The following MGAT5 variants were observed in gnomAD, a reference collection of about 807,000 sequenced individuals.
MGAT5 encodes the protein alpha-1,6-mannosylglycoprotein 6-beta-N-acetylglucosaminyltransferase, also known as alpha-1,6-mannosylglycoprotein 6-beta-N-acetylglucosaminyltransferase A.
In MGAT5, 30 loss-of-function variants were observed where a neutral mutation model predicts 94.3. The ratio of observed to expected loss-of-function variants is 0.32; its 90% CI spans 0.24 to 0.43. The LOEUF is 0.43. Ranked by LOEUF, MGAT5 falls within the 20% of genes least tolerant of loss-of-function variation. The probability of loss-of-function intolerance (pLI) is 1.00; values close to 1 mark genes in which losing one functional copy is unlikely to be tolerated. For synonymous variants in MGAT5, 310 were observed against 322.9 expected (o/e 0.96, Z 0.43); for missense variants, 691 against 905.5 (o/e 0.76, Z 3.04).
rs374914892 is a variant in MGAT5 at position 134,237,148 on chromosome 2, T to TGTGTGTGTGCGC, written c.-142-17113_-142-17112insTGTGTGTGCGCG. ...ATGTGTGTGTGTGTGTGTGTGTGTG[T>TGTGTGTGTGCGC]GCGCGTGTGTGTGAATTTTTACCCT... On this transcript the variant is annotated intron_variant, in intron 1 of 16. Coordinates refer to the MGAT5 transcript ENST00000409645. Among the ~76,000 whole-genome samples the TGTGTGTGTGCGC allele has an allele frequency of 1.8e-3, 254 of 140,830 alleles. 1 individual carries two copies. Among genetic ancestry groups the TGTGTGTGTGCGC allele is most frequent in the African/African-American group, 6.3e-3 (240 of 38,150 alleles). The allele number at this position is 140,830 out of a possible 152,430, so 92.4% of individuals were successfully genotyped here.
intron 2 of MGAT5, among the ~76,000 whole-genome samples, chr2:134,306,290 A>G (rs1014514110): frequency 7.9e-5 from 12 of 152,188 alleles, no homozygotes; most frequent in Admixed American, 6.5e-4. Context: ...AGAGTTTTGC[A>G]TTAAAAAGCA....
intron 1 of MGAT5, among the ~76,000 whole-genome samples, chr2:134,138,562 A>G (rs555948755): frequency 6.6e-5 from 10 of 152,344 alleles, no homozygotes; most frequent in African/African-American, 2.4e-4. Flanking sequence ...CCAAAAGGTG[A>G]GGACCTCACA....
In MGAT5 at chr2:134,254,664, C is replaced by T; in HGVS notation, c.241+20C>T. The T allele has an allele frequency of 1.2e-6, 2 of 1,613,486 alleles. No homozygotes were observed. Among genetic ancestry groups the T allele is most frequent in the Non-Finnish European group, 1.7e-6 (2 of 1,179,640 alleles). ...CTTATGGTAAGCACTGTTTCTGGGA[C>T]CTCTCCATTAAAGTGTGCCTTGGCC... is the stretch of plus-strand genomic sequence containing the variant. On this transcript the variant is annotated intron_variant, in intron 1 of 15. Coordinates refer to ENST00000281923, the MANE Select transcript of MGAT5 (RefSeq NM_002410.5).
intron 12 of MGAT5, among the ~76,000 whole-genome samples, chr2:134,419,568 C>A (rs1684184252): frequency 1.3e-5 from 2 of 150,346 alleles, no homozygotes; most frequent in Non-Finnish European, 3.0e-5. Flanking sequence ...ATAAGATTTT[C>A]ATTACTTTTA....
chr2:134,222,041 T>G (rs1426742119), intron 1 of MGAT5, among the ~76,000 whole-genome samples: 1 of 152,152 alleles, frequency 6.6e-6, no homozygotes, highest in Non-Finnish European at 1.5e-5. Context: ...TGGTAATAGT[T>G]TTAAATATTA....
chr2:134,372,947 A>G (rs1680911091), intron 10 of MGAT5, among the ~76,000 whole-genome samples: 1 of 152,226 alleles, frequency 6.6e-6, no homozygotes, highest in South Asian at 2.1e-4. Context: ...GCCAGTGAAC[A>G]TCCTGAGGGT....
intron 1 of MGAT5, among the ~76,000 whole-genome samples, chr2:134,194,669 A>G (rs1197437998): frequency 6.6e-6 from 1 of 152,106 alleles, no homozygotes; most frequent in African/African-American, 2.4e-5. Context: ...CGGGAGGTCT[A>G]GATACTTCAA....
chr2:134,290,025 T>A (rs576921726), intron 2 of MGAT5, among the ~76,000 whole-genome samples: 1 of 152,302 alleles, frequency 6.6e-6, no homozygotes, highest in Admixed American at 6.5e-5. Flanking sequence ...TCCTAGCAAA[T>A]CATAGAACTT....
intron 1 of MGAT5, among the ~76,000 whole-genome samples, chr2:134,196,414 A>C (rs1007449130): frequency 6.6e-6 from 1 of 152,022 alleles, no homozygotes; most frequent in Non-Finnish European, 1.5e-5. Flanking sequence ...AAAAAAAAAA[A>C]AACTATGGAT....
At chr2:134,349,062 G>T (rs1263349585) in intron 8 of MGAT5, among the ~76,000 whole-genome samples, 2 of 152,054 alleles carry the variant, frequency 1.3e-5, no homozygotes, top group Non-Finnish European at 2.9e-5. Flanking sequence ...CATGAAAATT[G>T]GAATTTTATG....
chr2:134,245,733 A>G (rs1682221572), intron 1 of MGAT5, among the ~76,000 whole-genome samples: 1 of 152,134 alleles, frequency 6.6e-6, no homozygotes, highest in African/African-American at 2.4e-5. Flanking sequence ...AGAACCTGGG[A>G]ATAGAGAGGG....
intron 2 of MGAT5, among the ~76,000 whole-genome samples, chr2:134,298,336 G>T (rs1266515530): frequency 1.3e-5 from 2 of 152,104 alleles, no homozygotes; most frequent in Non-Finnish European, 2.9e-5. Context: ...GACCTCAAGT[G>T]ATCTACCTGC....
chr2:134,309,993 A>G (rs536427317), intron 2 of MGAT5, among the ~76,000 whole-genome samples: 22 of 152,274 alleles, frequency 1.4e-4, no homozygotes, highest in African/African-American at 5.1e-4. Flanking sequence ...GTGTGTTTTC[A>G]TAGTCATCAC....
At chr2:134,274,174 C>T (rs1684201776) in intron 2 of MGAT5, among the ~76,000 whole-genome samples, 1 of 152,186 alleles carries the variant, frequency 6.6e-6, no homozygotes, top group Admixed American at 6.5e-5. Context: ...TCTGATATAT[C>T]TTTGTTCTGC....
At chr2:134,233,185 T>C (rs1284946518) in intron 1 of MGAT5, among the ~76,000 whole-genome samples, 2 of 152,222 alleles carry the variant, frequency 1.3e-5, no homozygotes, top group Non-Finnish European at 2.9e-5. Context: ...TTTATTTTGT[T>C]TTCTGTACTT....
chr2:134,240,357 G>GTTTTTTTTTTT (rs11316083), intron 1 of MGAT5, among the ~76,000 whole-genome samples: 2 of 146,832 alleles, frequency 1.4e-5, no homozygotes, highest in East Asian at 4.2e-4. Flanking sequence ...AAATGAAAGT[G>GTTTTTTTTTTT]TTTTTTTTTT....
chr2:134,380,193 C>T (rs1305467672), intron 10 of MGAT5, among the ~76,000 whole-genome samples: 1 of 152,172 alleles, frequency 6.6e-6, no homozygotes, highest in African/African-American at 2.4e-5. Context: ...GGTCCAGACT[C>T]TCCCCATCCT....
At position 134,451,570 on chromosome 2, in the gene MGAT5, C is replaced by T. The variant is rs1686111301; in HGVS notation, c.*2723C>T. ...TGCCCCTGTGTGGGCTGGAAGCCTG[C>T]GGAGGTTTTGCCATTGCTGATCTTG... On this transcript the variant is annotated 3_prime_UTR_variant, in exon 16 of 16. Transcript: ENST00000281923. 6.6e-6 allele frequency: 1 copy of T among 152,240 alleles called. No homozygotes were observed. The highest frequency in any genetic ancestry group is 2.1e-4 in the South Asian group (1 of 4,832). The allele number at this position is 152,240 out of a possible 1,614,324, so 9.4% of individuals were successfully genotyped here.
At chr2:134,416,474 C>CTTTTTT (rs71275904) in intron 12 of MGAT5, among the ~76,000 whole-genome samples, 3 of 139,210 alleles carry the variant, frequency 2.2e-5, no homozygotes, top group Admixed American at 7.2e-5. Flanking sequence ...TCATTCCTTA[C>CTTTTTT]TTTTTTTTTT....
Sources: allele counts gnomAD v4.1 joint callset (sites outside exome capture counted in the v4.1 genomes callset), GRCh38; gene constraint gnomAD v4.1.1; transcripts MANE v1.5; gene names NCBI Gene and HGNC (gene_info 2026-07-23, HGNC 2026-07-21).